Variants in C13orf42 observed in about 807,000 individuals in gnomAD.
C13orf42 encodes uncharacterized protein C13orf42.
upstream of C13orf42, among the ~76,000 whole-genome samples, chr13:51,112,103 T>C (rs1279981453): frequency 5.9e-5 from 9 of 152,232 alleles, no homozygotes; most frequent in South Asian, 2.1e-4. Flanking sequence ...AGGAATCTAT[T>C]AGAATTCCAG....
At chr13:51,086,623 T>C (rs1339582310) in intron 2 of C13orf42, among the ~76,000 whole-genome samples, 1 of 152,212 alleles carries the variant, frequency 6.6e-6, no homozygotes, top group African/African-American at 2.4e-5. Context: ...TACTTTCTTC[T>C]TTATGCTTTG....
chr13:51,131,661 T>C (rs982284045), intron 1 of C13orf42, among the ~76,000 whole-genome samples: 9 of 152,200 alleles, frequency 5.9e-5, no homozygotes, highest in Non-Finnish European at 1.3e-4. Context: ...GGAACAGAGT[T>C]CCATCAAAGC....
chr13:51,159,251 G>A (rs149406418), intron 1 of C13orf42, among the ~76,000 whole-genome samples: 22 of 152,288 alleles, frequency 1.4e-4, no homozygotes, highest in African/African-American at 5.1e-4. Flanking sequence ...ACACACCTAT[G>A]ATTTATATTT....
At chr13:51,139,695 AT>A (rs1566137027) in intron 1 of C13orf42, among the ~76,000 whole-genome samples, 10 of 152,214 alleles carry the variant, frequency 6.6e-5, no homozygotes, top group African/African-American at 2.4e-4. Context: ...CACCAGCACC[AT>A]GACAGTTTGT....
chr13:51,116,136 C>T (rs1476179290), upstream of C13orf42, among the ~76,000 whole-genome samples: 1 of 151,914 alleles, frequency 6.6e-6, no homozygotes, highest in Admixed American at 6.6e-5. Flanking sequence ...TGAAAATGTA[C>T]TGGTGCTTGA....
chr13:51,129,620 CCTTT>C (rs1363040065), intron 1 of C13orf42, among the ~76,000 whole-genome samples: 17 of 152,314 alleles, frequency 1.1e-4, no homozygotes, highest in Non-Finnish European at 4.4e-5. Flanking sequence ...CCTTCCCTTT[CCTTT>C]CTTTCTCTGT....
chr13:51,106,501 G>C (rs572011763), intron 1 of C13orf42, among the ~76,000 whole-genome samples: 1 of 152,168 alleles, frequency 6.6e-6, no homozygotes, highest in Non-Finnish European at 1.5e-5. Context: ...ATACAGATTG[G>C]GATCAAATCC....
intron 1 of C13orf42, among the ~76,000 whole-genome samples, chr13:51,130,444 G>A (rs1453713665): frequency 6.6e-6 from 1 of 152,184 alleles, no homozygotes; most frequent in Non-Finnish European, 1.5e-5. Context: ...TAAAATGACT[G>A]GTTGTTTAAA....
upstream of C13orf42, among the ~76,000 whole-genome samples, chr13:51,114,097 GGGGCAGCCAC>G (rs1953462333): frequency 6.6e-6 from 1 of 152,230 alleles, no homozygotes. Context: ...GTGCTGGGCT[GGGGCAGCCAC>G]AGGCAGCAGG....
At chr13:51,165,888 A>T (rs1481328875) in intron 1 of C13orf42, among the ~76,000 whole-genome samples, 1 of 152,260 alleles carries the variant, frequency 6.6e-6, no homozygotes, top group Non-Finnish European at 1.5e-5. Flanking sequence ...TCGGCATAGC[A>T]CTATGCAAAT....
chr13:51,166,473 C>G (rs61958502), intron 1 of C13orf42, among the ~76,000 whole-genome samples: 1 of 123,482 alleles, frequency 8.1e-6, no homozygotes, highest in Non-Finnish European at 1.8e-5. Flanking sequence ...GGGATAGCAT[C>G]GGGAGACATA....
chr13:51,112,042 T>A (rs1208296632), upstream of C13orf42, among the ~76,000 whole-genome samples: 1 of 152,276 alleles, frequency 6.6e-6, no homozygotes, highest in Non-Finnish European at 1.5e-5. Context: ...AGCACATTTT[T>A]AACTTAGACT....
chr13:51,136,908 C>T (rs1201376933), intron 1 of C13orf42, among the ~76,000 whole-genome samples: 1 of 152,216 alleles, frequency 6.6e-6, no homozygotes, highest in African/African-American at 2.4e-5. Context: ...GCCCAGCTCT[C>T]ATAAAACTTG....
At position 51,153,386 on chromosome 13, in the gene C13orf42, A is replaced by C. The variant is rs138687654; in HGVS notation, n.136+18867T>G. ...CACCTATAAGTGTCTGCACTCACCC[A>C]ATGCCTATGCTTGTGCCCAAGGGAG... On this transcript the variant is annotated intron_variant and non_coding_transcript_variant, in intron 1 of 4. Coordinates refer to the C13orf42 transcript ENST00000433280. Among the ~76,000 whole-genome samples, 589 of 152,118 alleles carry C rather than the reference A, an allele frequency of 3.9e-3. 3 individuals carry two copies. Among genetic ancestry groups the C allele is most frequent in the African/African-American group, 0.012 (516 of 41,502 alleles).
chr13:51,154,573 G>A (rs560593950), intron 1 of C13orf42, among the ~76,000 whole-genome samples: 4 of 152,292 alleles, frequency 2.6e-5, no homozygotes, highest in South Asian at 2.1e-4. Context: ...TGGAGCAAGC[G>A]AGAAAAGTAA....
chr13:51,131,580 A>G (rs761570018), intron 1 of C13orf42, among the ~76,000 whole-genome samples: 2 of 152,198 alleles, frequency 1.3e-5, no homozygotes, highest in Non-Finnish European at 2.9e-5. Context: ...AAGTTACTCA[A>G]CTCATAGGTA....
intron 1 of C13orf42, among the ~76,000 whole-genome samples, chr13:51,123,911 A>T (rs1172973519): frequency 6.6e-6 from 1 of 152,202 alleles, no homozygotes; most frequent in Non-Finnish European, 1.5e-5. Flanking sequence ...GTTTAAAGCT[A>T]AACTGTCCCC....
chr13:51,150,783 G>A (rs748407837), intron 1 of C13orf42, among the ~76,000 whole-genome samples: 46 of 152,286 alleles, frequency 3.0e-4, no homozygotes, highest in Non-Finnish European at 5.9e-4. Flanking sequence ...ACTAAAACTA[G>A]AGCTGCATTA....
At chr13:51,087,116 A>T (rs17075310) in intron 2 of C13orf42, among the ~76,000 whole-genome samples, 2 of 152,202 alleles carry the variant, frequency 1.3e-5, no homozygotes, top group African/African-American at 4.8e-5. Flanking sequence ...GGGCAAGTCA[A>T]AGATTAAACA....
Sources: allele counts gnomAD v4.1 joint callset (sites outside exome capture counted in the v4.1 genomes callset), GRCh38; gene constraint gnomAD v4.1.1; transcripts MANE v1.5; gene names NCBI Gene and HGNC (gene_info 2026-07-23, HGNC 2026-07-21).